The following TTC28 variants were observed in gnomAD, a reference collection of about 807,000 sequenced individuals.
TTC28 encodes the protein tetratricopeptide repeat domain 28, also known as tetratricopeptide repeat protein 28.
A neutral mutation model predicts 198.0 loss-of-function variants in TTC28; 61 were observed. The ratio of observed to expected loss-of-function variants is 0.31; its 90% CI spans 0.25 to 0.38. The LOEUF is 0.38. Ranked by LOEUF, TTC28 falls within the 10% of genes least tolerant of loss-of-function variation. The pLI is 1.00. For missense variants in TTC28, 2,678 were observed against 3,164.0 expected (o/e 0.85, Z 3.69); for synonymous variants, 1,171 against 1,297.8 (o/e 0.90, Z 2.10).
chr22:28,473,848 G>A (rs2048128966), intron 2 of TTC28, among the ~76,000 whole-genome samples: 1 of 152,150 alleles, frequency 6.6e-6, no homozygotes, highest in African/African-American at 2.4e-5. Context: ...ATACCTGGAG[G>A]AAAGACAATG....
intron 6 of TTC28, among the ~76,000 whole-genome samples, chr22:28,161,909 GGGAGGGAGGGAA>G (rs755059300): frequency 6.8e-6 from 1 of 146,626 alleles, no homozygotes; most frequent in African/African-American, 2.5e-5. Context: ...GAAGGAGGGA[GGGAGGGAGGGAA>G]GGAGGGAGGG....
chr22:28,004,365 T>C (rs1274426078), intron 14 of TTC28, among the ~76,000 whole-genome samples: 1 of 152,024 alleles, frequency 6.6e-6, no homozygotes, highest in Non-Finnish European at 1.5e-5. Context: ...CCAAGAGTAA[T>C]TCAGACCAGG....
intron 12 of TTC28, among the ~76,000 whole-genome samples, chr22:28,093,138 C>T (rs1385184955): frequency 6.6e-6 from 1 of 152,154 alleles, no homozygotes; most frequent in Non-Finnish European, 1.5e-5. Flanking sequence ...CCAATATTGA[C>T]ATTAAATTAT....
chr22:28,368,692 G>C (rs1338468521), intron 2 of TTC28, among the ~76,000 whole-genome samples: 1 of 152,030 alleles, frequency 6.6e-6, no homozygotes, highest in African/African-American at 2.4e-5. Flanking sequence ...AACAAATTCA[G>C]TAAAGTACAG....
chr22:28,381,249 A>G lies in TTC28; in HGVS notation c.382-74606T>C, dbSNP rs567572461. Among the ~76,000 whole-genome samples, 3 of 152,220 alleles carry G rather than the reference A, an allele frequency of 2.0e-5. 1 individual carries two copies. In the South Asian group the frequency reaches 6.2e-4, roughly 32 times the overall value. On this transcript the variant is annotated intron_variant, in intron 2 of 22. Coordinates refer to ENST00000397906, the MANE Select transcript of TTC28 (RefSeq NM_001145418.2). ...CTCTACTGATTGGCAATTTGGCCTT[A>G]GGCAACTCACAGATTTCTCTCTAAG...
chr22:28,671,836 C>T (rs917993866), intron 1 of TTC28, among the ~76,000 whole-genome samples: 5 of 151,024 alleles, frequency 3.3e-5, no homozygotes, highest in African/African-American at 4.9e-5. Flanking sequence ...CCACCATGCC[C>T]GGCTAATTTT....
chr22:28,068,670 G>T (rs560916088), intron 12 of TTC28, among the ~76,000 whole-genome samples: 9 of 152,080 alleles, frequency 5.9e-5, no homozygotes, highest in Non-Finnish European at 1.0e-4. Flanking sequence ...GGGAGTTCAG[G>T]GAATTGTATG....
chr22:28,478,868 C>A (rs1274899571), intron 2 of TTC28, among the ~76,000 whole-genome samples: 1 of 152,146 alleles, frequency 6.6e-6, no homozygotes, highest in East Asian at 1.9e-4. Context: ...AGACTCTCTC[C>A]CCAAGTCACT....
At chr22:28,036,332 T>C (rs1939343928) in intron 12 of TTC28, among the ~76,000 whole-genome samples, 1 of 152,214 alleles carries the variant, frequency 6.6e-6, no homozygotes, top group Non-Finnish European at 1.5e-5. Context: ...CACACCACAG[T>C]GCAATCACAT....
chr22:28,174,285 T>C (rs1310710829), intron 5 of TTC28, among the ~76,000 whole-genome samples: 1 of 152,226 alleles, frequency 6.6e-6, no homozygotes, highest in Non-Finnish European at 1.5e-5. Flanking sequence ...ATAATGACCC[T>C]GGTTCAGAAC....
chr22:28,551,066 T>G (rs1460539707), intron 2 of TTC28, among the ~76,000 whole-genome samples: 1 of 152,018 alleles, frequency 6.6e-6, no homozygotes, highest in Non-Finnish European at 1.5e-5. Flanking sequence ...ATAAAACAAT[T>G]ACTACTAGAC....
chr22:28,055,700 A>G (rs1322953324), intron 12 of TTC28, among the ~76,000 whole-genome samples: 1 of 152,170 alleles, frequency 6.6e-6, no homozygotes, highest in Non-Finnish European at 1.5e-5. Context: ...CATAGCTAGT[A>G]AAGTGCAGGG....
intron 5 of TTC28, among the ~76,000 whole-genome samples, chr22:28,166,995 C>T (rs576445015): frequency 5.3e-5 from 8 of 152,152 alleles, no homozygotes; most frequent in African/African-American, 1.9e-4. Context: ...GGGATATGAC[C>T]ACCGATTCCA....
At chr22:28,202,700 G>C (rs984813076) in intron 5 of TTC28, among the ~76,000 whole-genome samples, 1 of 152,226 alleles carries the variant, frequency 6.6e-6, no homozygotes, top group Admixed American at 6.5e-5. Context: ...AGAGGTGCAC[G>C]CACTGTCTAG....
At chr22:28,281,894 T>A (rs948219502) in intron 5 of TTC28, among the ~76,000 whole-genome samples, 2 of 152,156 alleles carry the variant, frequency 1.3e-5, no homozygotes, top group African/African-American at 4.8e-5. Context: ...ATACATAGAA[T>A]TTGGGGCTCC....
chr22:28,472,017 AAATG>A (rs1330799755), intron 2 of TTC28, among the ~76,000 whole-genome samples: 4 of 152,128 alleles, frequency 2.6e-5, no homozygotes, highest in Non-Finnish European at 5.9e-5. Flanking sequence ...ATTGATTGAT[AAATG>A]AATGATACAA....
At chr22:28,043,879 T>C (rs1372867530) in intron 12 of TTC28, among the ~76,000 whole-genome samples, 1 of 152,128 alleles carries the variant, frequency 6.6e-6, no homozygotes, top group South Asian at 2.1e-4. Context: ...GAGTATGAGC[T>C]GCACACCAGA....
intron 2 of TTC28, among the ~76,000 whole-genome samples, chr22:28,502,518 G>T (rs1248613092): frequency 6.6e-6 from 1 of 151,898 alleles, no homozygotes; most frequent in Non-Finnish European, 1.5e-5. Context: ...CATGGTGGCG[G>T]GCGTCTGTAG....
At chr22:28,036,208 G>A (rs1282171642) in intron 12 of TTC28, among the ~76,000 whole-genome samples, 3 of 151,872 alleles carry the variant, frequency 2.0e-5, no homozygotes, top group Non-Finnish European at 4.4e-5. Flanking sequence ...GCATCACATC[G>A]GACTTATTCT....
Sources: gnomAD v4.1 joint callset for allele counts (sites outside exome capture counted in the v4.1 genomes callset) on GRCh38, gnomAD v4.1.1 for gene constraint, MANE v1.5 for transcripts, NCBI Gene and HGNC (gene_info 2026-07-23, HGNC 2026-07-21) for gene names.